Variants in PBX1 observed in about 807,000 individuals in gnomAD.
PBX1 encodes pre-B-cell leukemia transcription factor 1.
A neutral mutation model predicts 53.4 loss-of-function variants in PBX1; 6 were observed. The observed-to-expected ratio is 0.11, with a 90% CI of 0.06 to 0.22. The LOEUF (loss-of-function observed/expected upper bound fraction) is 0.22. Among genes scored for constraint, PBX1 ranks in the 10% least tolerant of loss-of-function variants. PBX1 has a pLI of 1.00. For missense variants in PBX1, 251 were observed against 551.4 expected, an observed-to-expected ratio of 0.46 and a Z score of 5.46; for synonymous variants, 204 against 212.3, an observed-to-expected ratio of 0.96 and a Z score of 0.34.
At chr1:164,603,163 A>T (rs78333879) in intron 2 of PBX1, among the ~76,000 whole-genome samples, 6 of 148,004 alleles carry the variant, frequency 4.1e-5, no homozygotes, top group Admixed American at 6.7e-5. Flanking sequence ...GGGAAGCAGC[A>T]TTTTTTTTTT....
chr1:164,813,937 G>T (rs1265663329), intron 6 of PBX1: 1 of 152,228 alleles, frequency 6.6e-6, no homozygotes, highest in African/African-American at 2.4e-5. Flanking sequence ...TAAACATCAT[G>T]TGACTATTCT....
Position 164,569,564 on chromosome 1 carries a change from ATTTTTTTTTTT to A in PBX1, c.265+6269_265+6279del, listed in dbSNP as rs71097535. On this transcript the variant is annotated intron_variant, in intron 2 of 8. Transcript: ENST00000420696. ...AGATTTGCTTTCTTTTTTTCCTTGC[ATTTTTTTTTTT>A]TTTTTTTTTTTTTTTGTCAAGAGTC... Among the ~76,000 whole-genome samples, 410 of 78,204 alleles carry A rather than the reference ATTTTTTTTTTT, an allele frequency of 5.2e-3. 2 individuals carry two copies. The highest frequency in any genetic ancestry group is 0.02 in the African/African-American group (365 of 18,250). 51.3% of individuals were successfully genotyped at this position (78,204 alleles called of 152,430 possible). A position where few individuals can be genotyped will look rare whatever the true frequency, so the allele number is the denominator to read the frequency against.
At chr1:164,844,065 A>G (rs924547198) in intron 8 of PBX1, among the ~76,000 whole-genome samples, 1 of 146,766 alleles carries the variant, frequency 6.8e-6, no homozygotes, top group Non-Finnish European at 1.5e-5. Context: ...TGCTTATTTT[A>G]TACCAGGGTG....
chr1:164,725,754 T>A (rs992792905), intron 2 of PBX1, among the ~76,000 whole-genome samples: 5 of 152,190 alleles, frequency 3.3e-5, no homozygotes, highest in African/African-American at 1.2e-4. Flanking sequence ...TGGCTTCCTG[T>A]CTTCAAGGCA....
Position 164,619,338 on chromosome 1 carries a change from A to G in PBX1, c.265+56027A>G, listed in dbSNP as rs532788037. Among the ~76,000 whole-genome samples, 4 of 152,230 alleles carry G rather than the reference A, an allele frequency of 2.6e-5. No homozygotes were observed. In the South Asian group the frequency reaches 8.3e-4, roughly 32 times the overall value. ...CACTGCACAAACTTGGCAGAGGAAA[A>G]AAGACCATTAAGTGAAGGCTAATTG... On this transcript the variant is annotated intron_variant, in intron 2 of 8. Coordinates refer to ENST00000420696, the MANE Select transcript of PBX1 (RefSeq NM_002585.4).
chr1:164,583,283 G>GGA (rs1557873488), intron 2 of PBX1, among the ~76,000 whole-genome samples: 3 of 144,100 alleles, frequency 2.1e-5, no homozygotes, highest in Admixed American at 1.4e-4. Context: ...AGAGAGGCGG[G>GGA]AAAAAAAAAA....
chr1:164,840,424 G>T (rs1302653226), intron 8 of PBX1, among the ~76,000 whole-genome samples: 1 of 152,182 alleles, frequency 6.6e-6, no homozygotes. Context: ...AGCTGAATCT[G>T]TATATGGGTC....
At chr1:164,624,180 G>A (rs1657883543) in intron 2 of PBX1, among the ~76,000 whole-genome samples, 1 of 152,100 alleles carries the variant, frequency 6.6e-6, no homozygotes, top group African/African-American at 2.4e-5. Flanking sequence ...GATCATACTG[G>A]TATATCTTTG....
chr1:164,624,175 T>A (rs115870046), intron 2 of PBX1, among the ~76,000 whole-genome samples: 15 of 152,364 alleles, frequency 9.8e-5, no homozygotes, highest in Middle Eastern at 3.4e-3. Context: ...CCATTGATCA[T>A]ACTGGTATAT....
intron 3 of PBX1, among the ~76,000 whole-genome samples, chr1:164,793,856 C>CTTTTT (rs397945891): frequency 3.5e-5 from 3 of 84,740 alleles, no homozygotes; most frequent in South Asian, 4.6e-4. Context: ...CCTTTCTTTT[C>CTTTTT]TTTTTTTTTT....
chr1:164,870,265 C>CCTTCCTTCCTTCCTT (rs1672328817), intron 2 of PBX1, among the ~76,000 whole-genome samples: 1 of 79,158 alleles, frequency 1.3e-5, no homozygotes, highest in African/African-American at 5.5e-5. Flanking sequence ...TTCCTTCCTT[C>CCTTCCTTCCTTCCTT]CTTCTTTCTT....
At chr1:164,812,243 G>C in intron 6 of PBX1, 94 bp downstream of exon 6, 1 of 1,192,272 alleles carries the variant, frequency 8.4e-7, no homozygotes, top group Non-Finnish European at 1.2e-6. Flanking sequence ...TAATTTGTTA[G>C]GCTTTTGATT....
chr1:164,823,572 T>C (rs1184148942), intron 8 of PBX1, among the ~76,000 whole-genome samples: 3 of 117,050 alleles, frequency 2.6e-5, no homozygotes, highest in Non-Finnish European at 4.8e-5. Context: ...TCTTTCCTAA[T>C]TGGGCAGCAT....
At chr1:164,569,122 T>C (rs572555181) in intron 2 of PBX1, among the ~76,000 whole-genome samples, 41 of 152,312 alleles carry the variant, frequency 2.7e-4, no homozygotes, top group Admixed American at 9.1e-4. Context: ...TTCTACTAAG[T>C]AGTTATAAGA....
At chr1:164,617,849 A>G (rs1657385185) in intron 2 of PBX1, among the ~76,000 whole-genome samples, 1 of 137,118 alleles carries the variant, frequency 7.3e-6, no homozygotes, top group Admixed American at 7.2e-5. Flanking sequence ...ATCTCCTTTC[A>G]GCAGGCTCTA....
At chr1:164,875,651 T>C (rs1479153176) in intron 2 of PBX1, among the ~76,000 whole-genome samples, 1 of 152,024 alleles carries the variant, frequency 6.6e-6, no homozygotes, top group Non-Finnish European at 1.5e-5. Flanking sequence ...GCCAAACCCT[T>C]GAGCCACCGG....
chr1:164,673,670 CTT>C (rs1353074346), intron 2 of PBX1, among the ~76,000 whole-genome samples: 2 of 152,018 alleles, frequency 1.3e-5, no homozygotes, highest in African/African-American at 4.8e-5. Context: ...CCCTAAGAAA[CTT>C]AACTCCTAGG....
At chr1:164,658,115 T>C (rs190579660) in intron 2 of PBX1, among the ~76,000 whole-genome samples, 2 of 148,554 alleles carry the variant, frequency 1.3e-5, no homozygotes, top group East Asian at 4.0e-4. Context: ...CTCTCTTAAC[T>C]CATAATGGCA....
At chr1:164,661,308 G>C (rs12118935) in intron 2 of PBX1, among the ~76,000 whole-genome samples, 16,098 of 152,124 alleles carry the variant, frequency 0.11, 1,013 homozygotes, top group East Asian at 0.2. Context: ...TGAAGGACAT[G>C]CCATCTGGCA....
Sources: gnomAD v4.1 joint callset for allele counts (sites outside exome capture counted in the v4.1 genomes callset) on GRCh38, gnomAD v4.1.1 for gene constraint, MANE v1.5 for transcripts, NCBI Gene and HGNC (gene_info 2026-07-23, HGNC 2026-07-21) for gene names.